KHDRBS3: variants seen among roughly 807,000 people sequenced by gnomAD.
KHDRBS3 encodes the protein KH RNA binding domain containing, signal transduction associated 3, also known as KH domain-containing, RNA-binding, signal transduction-associated protein 3.
In KHDRBS3, 23 loss-of-function variants were observed where a neutral mutation model predicts 45.6. The ratio of observed to expected loss-of-function variants is 0.50; its 90% CI spans 0.36 to 0.72. The LOEUF (loss-of-function observed/expected upper bound fraction) is 0.72. KHDRBS3 is among the 30% of genes least tolerant of loss of function. The probability of loss-of-function intolerance (pLI) is 0.00; values close to 1 mark genes in which losing one functional copy is unlikely to be tolerated. For missense variants in KHDRBS3, 352 were observed against 424.8 expected (o/e 0.83, Z 1.51); for synonymous variants, 162 against 156.5 (o/e 1.04, Z -0.26).
chr8:135,559,983 A>G (rs1827089470), intron 5 of KHDRBS3, among the ~76,000 whole-genome samples: 1 of 152,198 alleles, frequency 6.6e-6, no homozygotes, highest in East Asian at 1.9e-4. Context: ...TGGGAGGCCA[A>G]GGCAAGAGGA....
intron 7 of KHDRBS3, among the ~76,000 whole-genome samples, chr8:135,643,012 C>G (rs1165367478): frequency 6.6e-6 from 1 of 152,016 alleles, no homozygotes; most frequent in African/African-American, 2.4e-5. Context: ...CCAGGATGGT[C>G]TCGATCTTCT....
intron 1 of KHDRBS3, among the ~76,000 whole-genome samples, chr8:135,512,429 C>CG (rs67971673): frequency 0.098 from 7,623 of 77,974 alleles, 577 homozygotes; most frequent in Middle Eastern, 0.17. Flanking sequence ...TTGGAAAAGT[C>CG]GGGGGGGGGG....
chr8:135,606,876 A>G, intron 6 of KHDRBS3, 79 bp from the exon 7 acceptor site: 1 of 1,079,264 alleles, frequency 9.3e-7, no homozygotes, highest in Non-Finnish European at 1.4e-6. Context: ...GAATTAATGG[A>G]AATTCACTAA....
intron 5 of KHDRBS3, among the ~76,000 whole-genome samples, chr8:135,565,497 T>C (rs1002758231): frequency 6.6e-6 from 1 of 152,234 alleles, no homozygotes; most frequent in African/African-American, 2.4e-5. Context: ...TTAGACTGTT[T>C]AAGCAGATAG....
chr8:135,551,450 G>A (rs1218678614), intron 4 of KHDRBS3, among the ~76,000 whole-genome samples: 2 of 152,092 alleles, frequency 1.3e-5, no homozygotes, highest in Non-Finnish European at 2.9e-5. Context: ...TTTTTATCAT[G>A]AATAAATGTA....
chr8:135,581,115 C>T (rs911070989), intron 5 of KHDRBS3, among the ~76,000 whole-genome samples: 5 of 152,204 alleles, frequency 3.3e-5, no homozygotes, highest in African/African-American at 1.2e-4. Context: ...AGGCAGCCAG[C>T]CTGCCAGCTG....
chr8:135,556,474 C>G (rs1373299296), intron 4 of KHDRBS3, among the ~76,000 whole-genome samples: 1 of 152,196 alleles, frequency 6.6e-6, no homozygotes. Context: ...TTGCATTTCT[C>G]TAATGGCCAG....
At chr8:135,487,128 C>G in intron 1 of KHDRBS3, among the ~76,000 whole-genome samples, 1 of 152,074 alleles carries the variant, frequency 6.6e-6, no homozygotes, top group East Asian at 1.9e-4. Flanking sequence ...TTATTTGACA[C>G]CATTTGTATT....
rs555570851 is a variant in KHDRBS3 at position 135,614,925 on chromosome 8, C to T, written c.890+7888C>T. 1.3e-5 allele frequency among the ~76,000 whole-genome samples: 2 copies of T among 151,888 alleles called. 1 individual carries two copies. The highest frequency in any genetic ancestry group is 4.9e-5 in the African/African-American group (2 of 41,202). On this transcript the variant is annotated intron_variant, in intron 7 of 8. Coordinates refer to ENST00000355849, the MANE Select transcript of KHDRBS3 (RefSeq NM_006558.3). ...CATCTAGCATTGGCAAGTGGGAATT[C>T]GTAGCCAAGAAGTCGGGCTAGGGTC... is the stretch of plus-strand genomic sequence containing the variant.
intron 4 of KHDRBS3, among the ~76,000 whole-genome samples, chr8:135,556,784 G>T (rs78890619): frequency 0.015 from 2,264 of 152,140 alleles, 21 homozygotes; most frequent in Middle Eastern, 0.024. Flanking sequence ...TGGAGTTCAG[G>T]GTGCTAAGGA....
In KHDRBS3 at chr8:135,533,997, C is replaced by G. The variant is rs569565806; in HGVS notation, c.208-8657C>G. 1.3e-5 allele frequency among the ~76,000 whole-genome samples: 2 copies of G among 152,104 alleles called. 1 individual carries two copies. The highest frequency in any genetic ancestry group is 2.9e-5 in the Non-Finnish European group (2 of 67,990). ...TGGATACTGGAAATAAAGTTTCCTACTGCACGTGTTTTGCTTTCACACCAT... is the reference window on the plus strand; with the variant it reads ...TGGATACTGGAAATAAAGTTTCCTAGTGCACGTGTTTTGCTTTCACACCAT... On this transcript the variant is annotated intron_variant, in intron 2 of 8. Transcript: ENST00000355849.
chr8:135,652,344 C>T (rs1304256758), downstream of KHDRBS3, among the ~76,000 whole-genome samples: 2 of 152,158 alleles, frequency 1.3e-5, no homozygotes, highest in Non-Finnish European at 2.9e-5. Flanking sequence ...GATTAGCATC[C>T]ATTGCTGAAA....
At chr8:135,477,216 G>A (rs7009570) in intron 1 of KHDRBS3, among the ~76,000 whole-genome samples, 121,712 of 152,048 alleles carry the variant, frequency 0.8, 49,226 homozygotes, top group East Asian at 0.96. Context: ...ATATTGTTTT[G>A]TAGATAATAA....
chr8:135,605,702 A>G (rs1027099145), intron 6 of KHDRBS3, among the ~76,000 whole-genome samples: 1 of 152,192 alleles, frequency 6.6e-6, no homozygotes, highest in Non-Finnish European at 1.5e-5. Context: ...TTCTATGAAT[A>G]CTGTATTTTT....
chr8:135,560,829 A>G (rs1827133260), intron 5 of KHDRBS3, among the ~76,000 whole-genome samples: 1 of 152,230 alleles, frequency 6.6e-6, no homozygotes, highest in South Asian at 2.1e-4. Flanking sequence ...TGATTGGTTC[A>G]GTGCCAGAGT....
intron 2 of KHDRBS3, among the ~76,000 whole-genome samples, chr8:135,532,626 A>T (rs1772105354): frequency 6.6e-6 from 1 of 152,172 alleles, no homozygotes; most frequent in Non-Finnish European, 1.5e-5. Context: ...AACTCATTTA[A>T]TCTTTATAAC....
chr8:135,634,030 T>TCATTC (rs1286695227), intron 7 of KHDRBS3, among the ~76,000 whole-genome samples: 1 of 152,224 alleles, frequency 6.6e-6, no homozygotes, highest in Non-Finnish European at 1.5e-5. Context: ...CTCTACCCAG[T>TCATTC]CATTCCTCCC....
intron 2 of KHDRBS3, among the ~76,000 whole-genome samples, chr8:135,532,454 A>G (rs1253918874): frequency 6.6e-6 from 1 of 152,198 alleles, no homozygotes; most frequent in Admixed American, 6.5e-5. Flanking sequence ...ACAGAAAGCA[A>G]GTGCTTGAGT....
chr8:135,506,548 T>C (rs548734155), intron 1 of KHDRBS3, among the ~76,000 whole-genome samples: 10 of 151,746 alleles, frequency 6.6e-5, no homozygotes, highest in African/African-American at 2.4e-4. Context: ...GGACTACAGG[T>C]GCCCGCCACC....
Sources: allele counts gnomAD v4.1 joint callset (sites outside exome capture counted in the v4.1 genomes callset), GRCh38; gene constraint gnomAD v4.1.1; transcripts MANE v1.5; gene names NCBI Gene and HGNC (gene_info 2026-07-23, HGNC 2026-07-21).